PKHD1L1: variants seen among roughly 807,000 people sequenced by gnomAD.
The protein encoded by PKHD1L1 is PKHD1 like 1.
Under a neutral mutation model 462.9 loss-of-function variants are expected in PKHD1L1, and 434 were observed. That is an observed-to-expected ratio of 0.94 (90% CI 0.87 to 1.02). PKHD1L1 has a LOEUF of 1.02. PKHD1L1 is among the 50% of genes least tolerant of loss of function. The pLI, the probability that PKHD1L1 is intolerant of heterozygous loss-of-function variation, is 0.00. For synonymous variants in PKHD1L1, 1,781 were observed against 1,750.0 expected (o/e 1.02, Z -0.44); for missense variants, 5,202 against 5,096.1 (o/e 1.02, Z -0.63).
intron 71 of PKHD1L1, among the ~76,000 whole-genome samples, chr8:109,513,739 T>A (rs1820123277): frequency 6.6e-6 from 1 of 152,064 alleles, no homozygotes; most frequent in Non-Finnish European, 1.5e-5. Flanking sequence ...TCTTGACTCC[T>A]CTCTTTTGCT....
chr8:109,508,400 G>A, intron 70 of PKHD1L1, 136 bp downstream of exon 70: 1 of 883,570 alleles, frequency 1.1e-6, no homozygotes, highest in Non-Finnish European at 1.7e-6. Context: ...TTGTAACAAT[G>A]AGCAATGCGC....
At chr8:109,452,967 G>C in intron 43 of PKHD1L1, 93 bp downstream of exon 43, 1 of 1,097,238 alleles carries the variant, frequency 9.1e-7, no homozygotes, top group Non-Finnish European at 1.2e-6. Flanking sequence ...AACAAACATA[G>C]TTGCACTATC....
chr8:109,393,999 C>T (rs1030124394), intron 9 of PKHD1L1, among the ~76,000 whole-genome samples: 5 of 151,682 alleles, frequency 3.3e-5, no homozygotes, highest in African/African-American at 1.2e-4. Flanking sequence ...TAGTGAAACC[C>T]CGTCTCTACT....
chr8:109,415,864 G>GGTGTGTGTGTGTGTGTGTGT (rs552265043), intron 21 of PKHD1L1, among the ~76,000 whole-genome samples: 2 of 100,408 alleles, frequency 2.0e-5, no homozygotes, highest in African/African-American at 7.0e-5. Flanking sequence ...AAAAAAAAGG[G>GGTGTGTGTGTGTGTGTGTGT]GTGTGTGTGT....
At chr8:109,362,725 C>T (rs1341737044) in intron 1 of PKHD1L1, 72 bp downstream of exon 1, 2 of 1,495,774 alleles carry the variant, frequency 1.3e-6, no homozygotes, top group African/African-American at 2.8e-5. Flanking sequence ...TCCCGGGGTC[C>T]TGGGAGAGGC....
chr8:109,479,573 T>C lies in PKHD1L1; in HGVS notation c.9112T>C (p.Trp3038Arg). The C allele has an allele frequency of 6.5e-7, 1 of 1,528,086 alleles. No homozygotes were observed. Among genetic ancestry groups the C allele is most frequent in the Admixed American group, 1.8e-5 (1 of 56,242 alleles). The allele number at this position is 1,528,086 out of a possible 1,614,324, so 94.7% of individuals were successfully genotyped here. ...TYNLWSNDSF[W>R]QSSRENNYTV... Reference sequence around the variant, plus strand: ...CAGTTTATGGTCAAATGATTCTTTTTGGCAATCATCACGAGAAAATAATTA... The same window carrying C: ...CAGTTTATGGTCAAATGATTCTTTTCGGCAATCATCACGAGAAAATAATTA... The change falls in exon 54 of 78, where the codon TGG becomes CGG. Residue 3038 changes from tryptophan (W) to arginine (R), a missense_variant. Physicochemically the swap from Trp to Arg is moderately radical, Grantham distance 101 (BLOSUM62 -3). Coordinates refer to ENST00000378402, the MANE Select transcript of PKHD1L1 (RefSeq NM_177531.6).
intron 23 of PKHD1L1, among the ~76,000 whole-genome samples, chr8:109,421,615 C>T (rs1252313380): frequency 6.6e-6 from 1 of 150,600 alleles, no homozygotes; most frequent in African/African-American, 2.4e-5. Context: ...ACCCCATCTC[C>T]ACTAAAAAAT....
rs201706272 is a variant in PKHD1L1, at chr8:109,445,501, A to G, written c.5632A>G (p.Asn1878Asp). ...TTGTCAAATTATTTCCATCAACCCC[A>G]ATGAAGTCTACTGCCGCACTCCCGC... Reference protein sequence around the residue: ...EPCQIISINPNEVYCRTPAGT... With the variant: ...EPCQIISINPDEVYCRTPAGT... Residue 1878 changes from asparagine to aspartate, a missense_variant, in exon 38 of 78, where the codon AAT becomes GAT. By Grantham distance (23) the Asn-to-Asp change is conservative. This residue lies in a region of PKHD1L1 where 4,497 missense variants were observed against 4,336.8 expected (regional missense o/e 1.04). Coordinates refer to ENST00000378402, the MANE Select transcript of PKHD1L1 (RefSeq NM_177531.6). The G allele has an allele frequency of 1.4e-5, 23 of 1,613,644 alleles. No homozygotes were observed. In the Admixed American group the frequency reaches 3.8e-4, roughly 27 times the overall value.
chr8:109,438,526 A>G (rs1815572682), intron 31 of PKHD1L1, 70 bp downstream of exon 31: 2 of 1,377,110 alleles, frequency 1.5e-6, no homozygotes, highest in African/African-American at 3.0e-5. Context: ...AGGCTTTTGA[A>G]GCATAGTTTC....
intron 19 of PKHD1L1, among the ~76,000 whole-genome samples, chr8:109,410,753 G>A (rs1260129652): frequency 2.2e-5 from 1 of 44,814 alleles, no homozygotes; most frequent in Non-Finnish European, 3.6e-5. Flanking sequence ...TTTTTGAGAC[G>A]GAGTCTCACT....
At chr8:109,471,220 T>C in intron 50 of PKHD1L1, 1 of 706,802 alleles carries the variant, frequency 1.4e-6, no homozygotes. Flanking sequence ...GATGGTGTCA[T>C]TTAGTAAGGG....
At chr8:109,421,138 G>T (rs1040652219) in intron 23 of PKHD1L1, among the ~76,000 whole-genome samples, 55 of 151,552 alleles carry the variant, frequency 3.6e-4, no homozygotes, top group African/African-American at 1.1e-3. Context: ...ACAATTTTTT[G>T]TACATTTGTA....
At chr8:109,383,694 C>A (rs1221904007) in intron 4 of PKHD1L1, among the ~76,000 whole-genome samples, 1 of 151,564 alleles carries the variant, frequency 6.6e-6, no homozygotes, top group Non-Finnish European at 1.5e-5. Context: ...ACGTGGAACT[C>A]TGTTTGGTTT....
Position 109,482,988 on chromosome 8 carries a change from G to C in PKHD1L1, c.9459G>C (p.Gly3153=). The C allele has an allele frequency of 1.9e-6, 3 of 1,581,412 alleles. No homozygotes were observed. Among genetic ancestry groups the C allele is most frequent in the Middle Eastern group, 1.7e-4 (1 of 5,964 alleles). Residue 3153 remains glycine, a splice_region_variant and synonymous_variant, in exon 57 of 78, where the codon GGG becomes GGC. Coordinates refer to ENST00000378402, the MANE Select transcript of PKHD1L1 (RefSeq NM_177531.6). The stretch of plus-strand genomic sequence containing the variant: ...TAGGAGTGTGCTTTTCTTCTTTAGG[G>C]GTGTTTGGTGAGCTGGATCTTCATG... ...EGPNQGAKVL[G]VFGELDLHGI...
intron 59 of PKHD1L1, among the ~76,000 whole-genome samples, chr8:109,488,491 C>T (rs1040500424): frequency 6.6e-6 from 1 of 151,946 alleles, no homozygotes. Context: ...AAGACTGGAA[C>T]TCATTGTTCC....
chr8:109,497,250 C>G lies in PKHD1L1; in HGVS notation c.10577C>G (p.Ser3526Cys), dbSNP rs1251873787. The G allele has an allele frequency of 1.5e-5, 24 of 1,613,030 alleles. No homozygotes were observed. Among genetic ancestry groups the G allele is most frequent in the Non-Finnish European group, 1.9e-5 (23 of 1,179,548 alleles). Residue 3526 changes from serine to cysteine, a missense_variant, in exon 65 of 78, where the codon TCC (serine) becomes TGC (cysteine). Physicochemically the swap from Ser to Cys is moderately radical, Grantham distance 112. Transcript: ENST00000378402. ...CCAGCTGCTATATCACACAAAATTTCCAGTAAAAATGTACAAATTAAGGTA... is the reference window on the plus strand; with the variant it reads ...CCAGCTGCTATATCACACAAAATTTGCAGTAAAAATGTACAAATTAAGGTA... ...YMPAAISHKI[S>C]SKNVQIKSSL...
At chr8:109,372,588 T>C (rs559168788) in intron 2 of PKHD1L1, among the ~76,000 whole-genome samples, 1 of 152,348 alleles carries the variant, frequency 6.6e-6, no homozygotes, top group Non-Finnish European at 1.5e-5. Context: ...GTGCCAGTTT[T>C]CAAAGGGAAT....
At chr8:109,433,371 G>A (rs763863964) in intron 28 of PKHD1L1, among the ~76,000 whole-genome samples, 155 bp downstream of exon 28, 8 of 152,108 alleles carry the variant, frequency 5.3e-5, no homozygotes, top group Admixed American at 4.6e-4. Flanking sequence ...TTGGCAACCT[G>A]GTCTATATAA....
intron 46 of PKHD1L1, among the ~76,000 whole-genome samples, chr8:109,458,366 A>G (rs888244812): frequency 4.0e-5 from 6 of 151,768 alleles, no homozygotes; most frequent in African/African-American, 1.5e-4. Flanking sequence ...GCTCCATTCC[A>G]CTTTCTTCCC....
Sources: allele counts gnomAD v4.1 joint callset (sites outside exome capture counted in the v4.1 genomes callset), GRCh38; gene constraint gnomAD v4.1.1; regional missense constraint gnomAD v4.1.1; transcripts MANE v1.5; gene names NCBI Gene and HGNC (gene_info 2026-07-23, HGNC 2026-07-21).